The following TEX36 variants were observed in gnomAD, a reference collection of about 807,000 sequenced individuals.
TEX36 encodes the protein testis expressed 36, also known as testis-expressed protein 36.
Under a neutral mutation model 13.6 loss-of-function variants are expected in TEX36, and 12 were observed. The ratio of observed to expected loss-of-function variants is 0.88; its 90% CI spans 0.56 to 1.43. The LOEUF is 1.43. Ranked by LOEUF, TEX36 falls within the 40% of genes most tolerant of loss-of-function variation. The pLI is 0.00. For synonymous variants in TEX36, 93 were observed against 83.0 expected, an observed-to-expected ratio of 1.12 and a Z score of -0.65; for missense variants, 224 against 228.3, an observed-to-expected ratio of 0.98 and a Z score of 0.12.
intron 3 of TEX36, among the ~76,000 whole-genome samples, chr10:125,642,406 GAC>G (rs979163828): frequency 1.4e-4 from 21 of 152,150 alleles, no homozygotes; most frequent in African/African-American, 4.6e-4. Context: ...GTATCTCTTT[GAC>G]ACAGAGGACA....
intron 3 of TEX36, among the ~76,000 whole-genome samples, chr10:125,606,196 C>G (rs532870912): frequency 8.2e-4 from 125 of 152,224 alleles, no homozygotes; most frequent in Middle Eastern, 3.4e-3. Context: ...AATTAAGCAC[C>G]CTTGTAGGAT....
chr10:125,635,526 G>T (rs762640507), intron 3 of TEX36, among the ~76,000 whole-genome samples: 2 of 152,168 alleles, frequency 1.3e-5, no homozygotes, highest in African/African-American at 4.8e-5. Flanking sequence ...AATGCTCTTT[G>T]CTAGCTCCCC....
rs753132730 is a variant in TEX36, at chr10:125,676,546, C to CT, written c.51+6392dup. 2.1e-3 allele frequency among the ~76,000 whole-genome samples: 306 copies of CT among 146,120 alleles called. 2 individuals carry two copies. The East Asian group carries it at 0.028, about 14-fold the overall frequency. On this transcript the variant is annotated intron_variant, in intron 1 of 3. Transcript: ENST00000368821. ...TCTTGTAAGCAGCATATAGTTGGAT[C>CT]TTTTTTTTTTTAAATTCCATTCAGC...
chr10:125,585,378 G>A (rs563088068), intron 3 of TEX36, among the ~76,000 whole-genome samples: 12 of 152,290 alleles, frequency 7.9e-5, no homozygotes, highest in East Asian at 1.9e-4. Context: ...AGTATGGCAC[G>A]TTGGTGTGCT....
chr10:125,643,388 A>G (rs781769625), intron 3 of TEX36, among the ~76,000 whole-genome samples: 2 of 152,118 alleles, frequency 1.3e-5, no homozygotes, highest in Non-Finnish European at 2.9e-5. Flanking sequence ...TGGGCCGATC[A>G]TTTGAGGTCA....
chr10:125,576,681 C>CCAACTAATA, exon 4 of TEX36: 1 of 1,510,996 alleles, frequency 6.6e-7, no homozygotes, highest in South Asian at 1.2e-5. Context: ...CCTTTTCTTC[C>CCAACTAATA]CAACTAATAC....
At chr10:125,610,494 T>C (rs547463492) in intron 3 of TEX36, among the ~76,000 whole-genome samples, 1 of 142,868 alleles carries the variant, frequency 7.0e-6, no homozygotes, top group Non-Finnish European at 1.5e-5. Context: ...GAATCGGAAC[T>C]TGTGTTTCAA....
intron 1 of TEX36, among the ~76,000 whole-genome samples, chr10:125,665,460 A>C (rs568438451): frequency 3.7e-4 from 57 of 152,260 alleles, no homozygotes; most frequent in Non-Finnish European, 7.9e-4. Flanking sequence ...TTTCTTCTGC[A>C]TGTGGCTATC....
chr10:125,576,563 A>T, exon 4 of TEX36: 1 of 805,174 alleles, frequency 1.2e-6, no homozygotes, highest in Non-Finnish European at 1.9e-6. Flanking sequence ...ACCTGCGCCC[A>T]CACAGGCAAG....
intron 1 of TEX36, among the ~76,000 whole-genome samples, chr10:125,664,320 C>A (rs1027157836): frequency 2.0e-5 from 3 of 152,134 alleles, no homozygotes; most frequent in Non-Finnish European, 2.9e-5. Context: ...AATATCTCCT[C>A]AGTATACTGA....
intron 2 of TEX36, among the ~76,000 whole-genome samples, chr10:125,661,452 G>C (rs1847041318): frequency 6.6e-6 from 1 of 152,152 alleles, no homozygotes; most frequent in South Asian, 2.1e-4. Context: ...TGGCCAGTAA[G>C]GGTCCCAGGA....
chr10:125,650,870 T>A (rs1245392023), downstream of TEX36, among the ~76,000 whole-genome samples: 1 of 152,138 alleles, frequency 6.6e-6, no homozygotes, highest in Non-Finnish European at 1.5e-5. Flanking sequence ...TATAAACATA[T>A]CTACACAAAT....
At chr10:125,592,856 A>G (rs1846038187) in intron 3 of TEX36, among the ~76,000 whole-genome samples, 1 of 152,210 alleles carries the variant, frequency 6.6e-6, no homozygotes, top group African/African-American at 2.4e-5. Flanking sequence ...AATGCTACAA[A>G]GGATAGAGAA....
chr10:125,599,715 A>G (rs1846122549), intron 3 of TEX36, among the ~76,000 whole-genome samples: 1 of 152,206 alleles, frequency 6.6e-6, no homozygotes, highest in Admixed American at 6.5e-5. Flanking sequence ...CTCCCTTAAT[A>G]TAATACCCTT....
At chr10:125,671,060 G>A (rs1047444696) in intron 1 of TEX36, among the ~76,000 whole-genome samples, 4 of 151,820 alleles carry the variant, frequency 2.6e-5, no homozygotes, top group Non-Finnish European at 4.4e-5. Context: ...TTCTAGATAT[G>A]GGATCATGCC....
chr10:125,589,885 G>A (rs1032885195), intron 3 of TEX36, among the ~76,000 whole-genome samples: 1 of 152,144 alleles, frequency 6.6e-6, no homozygotes, highest in African/African-American at 2.4e-5. Flanking sequence ...ATCTTCTCAA[G>A]TGATGTGGTT....
At chr10:125,637,569 A>G (rs1393387021) in intron 3 of TEX36, among the ~76,000 whole-genome samples, 1 of 152,120 alleles carries the variant, frequency 6.6e-6, no homozygotes, top group Non-Finnish European at 1.5e-5. Context: ...TCTCTTTGAG[A>G]TCCTGATTTC....
intron 3 of TEX36, among the ~76,000 whole-genome samples, chr10:125,633,879 A>G (rs1405224665): frequency 6.6e-6 from 1 of 152,180 alleles, no homozygotes; most frequent in East Asian, 1.9e-4. Context: ...CGCCTGGCGA[A>G]CAAAGGCATG....
At chr10:125,584,552 G>A (rs1223321108) in intron 3 of TEX36, among the ~76,000 whole-genome samples, 1 of 152,160 alleles carries the variant, frequency 6.6e-6, no homozygotes, top group Non-Finnish European at 1.5e-5. Context: ...TTACCACCAA[G>A]GTGACTGTAT....
Sources: gnomAD v4.1 joint callset for allele counts (sites outside exome capture counted in the v4.1 genomes callset) on GRCh38, gnomAD v4.1.1 for gene constraint, MANE v1.5 for transcripts, NCBI Gene and HGNC (gene_info 2026-07-23, HGNC 2026-07-21) for gene names.